MINDY2: variants seen among roughly 807,000 people sequenced by gnomAD.
The protein encoded by MINDY2 is MINDY lysine 48 deubiquitinase 2.
Under a neutral mutation model 68.2 loss-of-function variants are expected in MINDY2, and 52 were observed. The ratio of observed to expected loss-of-function variants is 0.76; its 90% confidence interval spans 0.61 to 0.96. The LOEUF is 0.96. Ranked by LOEUF, MINDY2 falls within the 40% of genes least tolerant of loss-of-function variation. The pLI, the probability that MINDY2 is intolerant of heterozygous loss-of-function variation, is 0.00. For synonymous variants in MINDY2, 372 were observed against 303.0 expected (o/e 1.23, Z -2.36); for missense variants, 881 against 773.4 (o/e 1.14, Z -1.65).
At chr15:58,777,759 G>C (rs113831034) in intron 1 of MINDY2, among the ~76,000 whole-genome samples, 5,396 of 152,110 alleles carry the variant, frequency 0.035, 102 homozygotes, top group African/African-American at 0.056. Flanking sequence ...ATTTTCAAGA[G>C]ATAGTTTCAT....
intron 4 of MINDY2, among the ~76,000 whole-genome samples, chr15:58,816,988 A>T (rs1283708878): frequency 1.3e-5 from 2 of 152,096 alleles, no homozygotes; most frequent in Non-Finnish European, 2.9e-5. Flanking sequence ...GGGAAAAAAA[A>T]GTTTAACTAT....
In MINDY2 at chr15:58,859,397, A is replaced by G. The variant is rs1392971385; in HGVS notation, c.*4787A>G. ...AAGTAATATTATTTTAGGGCTATAT[A>G]AATTGTGTTTTTAGTGTAAAATGTT... On this transcript the variant is annotated 3_prime_UTR_variant, in exon 9 of 9. Transcript: ENST00000559228. 1 of 152,130 alleles carries G rather than the reference A, an allele frequency of 6.6e-6. No homozygotes were observed. The highest frequency in any genetic ancestry group is 1.5e-5 in the Non-Finnish European group (1 of 67,980). 9.4% of individuals were successfully genotyped at this position (152,130 alleles called of 1,614,324 possible). A position where few individuals can be genotyped will look rare whatever the true frequency, so the allele number is the denominator to read the frequency against.
intron 2 of MINDY2, among the ~76,000 whole-genome samples, chr15:58,793,850 G>T (rs1046892590): frequency 6.6e-6 from 1 of 151,990 alleles, no homozygotes; most frequent in Non-Finnish European, 1.5e-5. Flanking sequence ...AAGAGGGAAG[G>T]TATAAAATAA....
chr15:58,858,883 C>G lies in MINDY2; in HGVS notation c.*4273C>G, dbSNP rs905618753. On this transcript the variant is annotated 3_prime_UTR_variant, in exon 9 of 9. Transcript: ENST00000559228. ...ATTTTGTGTCTATAAACCCGACTTT[C>G]TATCTTGCCTTGGGCAAACTTTCTG... 2 of 152,148 alleles carry G rather than the reference C, an allele frequency of 1.3e-5. No homozygotes were observed. The highest frequency in any genetic ancestry group is 2.9e-5 in the Non-Finnish European group (2 of 67,972). 9.4% of individuals were successfully genotyped at this position (152,148 alleles called of 1,614,324 possible).
In MINDY2 at chr15:58,828,655, A is replaced by G. The variant is rs367905371; in HGVS notation, c.1226-3119A>G. On this transcript the variant is annotated intron_variant, in intron 5 of 8. Transcript: ENST00000559228. ...CGGCTCACTGAAAGCTCCGCCTCCC[A>G]GTTCACGCCATTCTCCTGCCTCAGC... Among the ~76,000 whole-genome samples the G allele has an allele frequency of 1.5e-4, 20 of 129,600 alleles. No individual in the cohort carries two copies. In the East Asian group the frequency reaches 2.2e-3, roughly 15 times the overall value. The allele number at this position is 129,600 out of a possible 152,430, so 85.0% of individuals were successfully genotyped here.
intron 4 of MINDY2, among the ~76,000 whole-genome samples, chr15:58,815,003 C>G (rs2030583109): frequency 6.6e-6 from 1 of 151,986 alleles, no homozygotes; most frequent in Non-Finnish European, 1.5e-5. Context: ...GGTGTCCTAC[C>G]TAAGAGGGCT....
At chr15:58,844,270 G>A (rs541332798) in intron 6 of MINDY2, among the ~76,000 whole-genome samples, 34 of 152,242 alleles carry the variant, frequency 2.2e-4, no homozygotes, top group African/African-American at 6.5e-4. Context: ...ATTGTTGGCC[G>A]GGCACGGTGG....
In MINDY2 at chr15:58,851,949, C is replaced by T; in HGVS notation, c.1721C>T (p.Ala574Val). ...CAAGCAGCAGCTGCTGCTGCTGCTG[C>T]TTCTACACAGGCTCAGGTAAAAACT... Reference protein sequence around the residue: ...QEQAAAAAAAASTQAQQGQPA... With the variant: ...QEQAAAAAAAVSTQAQQGQPA... The change falls in exon 8 of 9, where the codon GCT becomes GTT. Residue 574 changes from alanine to valine, a missense_variant. Coordinates refer to ENST00000559228, the MANE Select transcript of MINDY2 (RefSeq NM_001040450.3). The T allele has an allele frequency of 6.3e-7, 1 of 1,584,296 alleles. No individual in the cohort carries two copies. The highest frequency in any genetic ancestry group is 8.5e-7 in the Non-Finnish European group (1 of 1,171,888).
chr15:58,842,828 G>T (rs1159089810), intron 6 of MINDY2, among the ~76,000 whole-genome samples: 1 of 152,120 alleles, frequency 6.6e-6, no homozygotes, highest in East Asian at 1.9e-4. Flanking sequence ...ATGGCTGAGG[G>T]AACATGTAAA....
At chr15:58,833,836 C>T (rs1402984461) in intron 6 of MINDY2, among the ~76,000 whole-genome samples, 8 of 152,046 alleles carry the variant, frequency 5.3e-5, no homozygotes, top group South Asian at 2.1e-4. Context: ...TGCAAAGAGG[C>T]GTTCCTTCCT....
In MINDY2 at chr15:58,772,079, G is replaced by A. The variant is rs8029869; in HGVS notation, c.684G>A (p.Gln228=). ...CKEEEGEETA[Q]VLAASKERFP... Reference sequence around the variant, plus strand: ...AGGAGGAGGGGGAGGAGACCGCTCAGGTGCTGGCGGCCTCCAAGGAACGCT... The same window carrying A: ...AGGAGGAGGGGGAGGAGACCGCTCAAGTGCTGGCGGCCTCCAAGGAACGCT... The change falls in exon 1 of 9, where the codon CAG becomes CAA. Residue 228 remains glutamine, a synonymous_variant. Coordinates refer to ENST00000559228, the MANE Select transcript of MINDY2 (RefSeq NM_001040450.3). 0.011 allele frequency: 18,372 copies of A among 1,613,204 alleles called. 1,613 individuals are homozygous for A. The African/African-American group carries it at 0.2, about 17-fold the overall frequency.
At position 58,810,316 on chromosome 15, in the gene MINDY2, A is replaced by G. The variant is rs745427934; in HGVS notation, c.1050A>G (p.Glu350=). The change falls in exon 4 of 9, where the codon GAA becomes GAG. Residue 350 remains glutamate (E), a synonymous_variant. Transcript: ENST00000559228. ...GATTCACTGGTGTTCGAGTGTTTGA[A>G]TATACACCAGAATGCATAGTATTTG... is the stretch of plus-strand genomic sequence containing the variant. ...NVRFTGVRVF[E]YTPECIVFDL... is the part of the protein sequence containing the mutation. 6.2e-7 allele frequency: 1 copy of G among 1,613,936 alleles called. No homozygotes were observed. The highest frequency in any genetic ancestry group is 8.5e-7 in the Non-Finnish European group (1 of 1,179,906).
chr15:58,849,957 G>A (rs1429227768), intron 7 of MINDY2, among the ~76,000 whole-genome samples: 5 of 152,074 alleles, frequency 3.3e-5, no homozygotes, highest in African/African-American at 7.2e-5. Flanking sequence ...CACTGGTCTC[G>A]AACTCCTGGG....
At chr15:58,780,783 T>C (rs544285042) in intron 1 of MINDY2, among the ~76,000 whole-genome samples, 6 of 152,154 alleles carry the variant, frequency 3.9e-5, no homozygotes, top group South Asian at 2.1e-4. Context: ...CCCATTGTAG[T>C]TTATTAAATA....
chr15:58,841,268 C>G (rs2032269500), intron 6 of MINDY2, among the ~76,000 whole-genome samples: 1 of 151,992 alleles, frequency 6.6e-6, no homozygotes, highest in Non-Finnish European at 1.5e-5. Flanking sequence ...CAGGCATGAG[C>G]CACTGCACTG....
At chr15:58,813,071 A>G (rs1381367332) in intron 4 of MINDY2, among the ~76,000 whole-genome samples, 2 of 152,136 alleles carry the variant, frequency 1.3e-5, no homozygotes, top group African/African-American at 2.4e-5. Flanking sequence ...TTTGGATTGC[A>G]TTTCATACTC....
chr15:58,831,790 G>T lies in MINDY2; in HGVS notation c.1242G>T (p.Gln414His). 6.2e-7 allele frequency: 1 copy of T among 1,613,080 alleles called. No individual in the cohort carries two copies. Among genetic ancestry groups the T allele is most frequent in the Non-Finnish European group, 8.5e-7 (1 of 1,179,636 alleles). Reference sequence around the variant, plus strand: ...GTTCTATAGGCTTTGTAGCTGAGCAGTTTCTAAATAACACAGCCACTCAAC... The same window carrying T: ...GTTCTATAGGCTTTGTAGCTGAGCATTTTCTAAATAACACAGCCACTCAAC... ...ELVSEGFVAE[Q>H]FLNNTATQLT... is the part of the protein sequence containing the mutation. Residue 414 changes from glutamine to histidine, a missense_variant, in exon 6 of 9, where the codon CAG becomes CAT. Physicochemically the swap from Gln to His is conservative, Grantham distance 24. Transcript: ENST00000559228.
chr15:58,835,855 G>A (rs1223933709), intron 6 of MINDY2, among the ~76,000 whole-genome samples: 4 of 152,056 alleles, frequency 2.6e-5, no homozygotes, highest in African/African-American at 9.7e-5. Flanking sequence ...AATGAAGAAA[G>A]GCCAAATAGA....
At chr15:58,840,474 T>G (rs1771126885) in intron 6 of MINDY2, among the ~76,000 whole-genome samples, 1 of 152,024 alleles carries the variant, frequency 6.6e-6, no homozygotes, top group African/African-American at 2.4e-5. Flanking sequence ...ATTAAACTTT[T>G]TATTCCTCAT....
Sources: gnomAD v4.1 joint callset for allele counts (sites outside exome capture counted in the v4.1 genomes callset) on GRCh38, gnomAD v4.1.1 for gene constraint, MANE v1.5 for transcripts, NCBI Gene and HGNC (gene_info 2026-07-23, HGNC 2026-07-21) for gene names.